Variants in GALNTL6 observed in about 807,000 individuals in gnomAD.
GALNTL6 encodes polypeptide N-acetylgalactosaminyltransferase like 6.
In GALNTL6, 46 loss-of-function variants were observed where a neutral mutation model predicts 73.7. The ratio of observed to expected loss-of-function variants is 0.62; its 90% CI spans 0.49 to 0.80. The LOEUF (loss-of-function observed/expected upper bound fraction) is 0.80. GALNTL6 is among the 30% of genes least tolerant of loss of function. GALNTL6 has a pLI of 0.00. For synonymous variants in GALNTL6, 259 were observed against 263.7 expected, an observed-to-expected ratio of 0.98 and a Z score of 0.17; for missense variants, 604 against 755.0, an observed-to-expected ratio of 0.80 and a Z score of 2.34.
At chr4:172,457,446 G>C (rs1300620067) in intron 5 of GALNTL6, among the ~76,000 whole-genome samples, 1 of 152,178 alleles carries the variant, frequency 6.6e-6, no homozygotes, top group East Asian at 1.9e-4. Context: ...AGACCCATCA[G>C]TGTGCTGTAT....
chr4:172,930,340 G>A (rs1452814706), intron 8 of GALNTL6, among the ~76,000 whole-genome samples: 1 of 152,064 alleles, frequency 6.6e-6, no homozygotes, highest in Non-Finnish European at 1.5e-5. Flanking sequence ...AAGATCAGTG[G>A]CGGGGGGAGA....
intron 2 of GALNTL6, among the ~76,000 whole-genome samples, chr4:171,845,919 ACTC>A (rs1055311935): frequency 3.9e-5 from 6 of 152,158 alleles, no homozygotes; most frequent in African/African-American, 1.4e-4. Flanking sequence ...CATCACAGCT[ACTC>A]AATGGTAGAT....
chr4:172,583,908 A>T (rs1737302770), intron 5 of GALNTL6, among the ~76,000 whole-genome samples: 1 of 151,264 alleles, frequency 6.6e-6, no homozygotes, highest in Non-Finnish European at 1.5e-5. Context: ...AAAAAAAAAA[A>T]AAAAAAAAAA....
At chr4:172,924,912 G>A (rs188724025) in intron 8 of GALNTL6, among the ~76,000 whole-genome samples, 187 of 152,118 alleles carry the variant, frequency 1.2e-3, no homozygotes, top group Non-Finnish European at 1.9e-3. Context: ...TGGCTCTGTC[G>A]CCAGGCTAGA....
At chr4:172,922,885 A>T (rs1447195062) in intron 8 of GALNTL6, among the ~76,000 whole-genome samples, 1 of 152,226 alleles carries the variant, frequency 6.6e-6, no homozygotes, top group African/African-American at 2.4e-5. Context: ...CATTACAGTT[A>T]TCCCAAGTGT....
At chr4:172,054,817 G>A (rs946222286) in intron 2 of GALNTL6, among the ~76,000 whole-genome samples, 12 of 152,108 alleles carry the variant, frequency 7.9e-5, no homozygotes, top group Admixed American at 1.3e-4. Context: ...ACTGAACTTC[G>A]AAACAAATGA....
intron 2 of GALNTL6, among the ~76,000 whole-genome samples, chr4:172,011,909 A>G (rs1423376315): frequency 1.3e-5 from 2 of 152,124 alleles, no homozygotes; most frequent in East Asian, 1.9e-4. Context: ...TCATAGTGCA[A>G]TAGGGTGAGA....
At chr4:172,156,561 A>AC (rs140796580) in intron 2 of GALNTL6, among the ~76,000 whole-genome samples, 5 of 91,622 alleles carry the variant, frequency 5.5e-5, no homozygotes, top group East Asian at 2.3e-4. Flanking sequence ...ATATATATAT[A>AC]TATATACATA....
chr4:172,513,771 G>A (rs1448436315), intron 5 of GALNTL6, among the ~76,000 whole-genome samples: 1 of 152,308 alleles, frequency 6.6e-6, no homozygotes, highest in African/African-American at 2.4e-5. Context: ...TCATCCTCGG[G>A]TCTCTCAGCT....
intron 10 of GALNTL6, among the ~76,000 whole-genome samples, chr4:172,959,101 G>A (rs927267718): frequency 3.3e-5 from 5 of 152,168 alleles, no homozygotes; most frequent in African/African-American, 4.8e-5. Context: ...AAAGTGCGCT[G>A]CGGGATGGGA....
chr4:172,476,480 T>TC (rs1733238455), intron 5 of GALNTL6, among the ~76,000 whole-genome samples: 1 of 152,156 alleles, frequency 6.6e-6, no homozygotes, highest in African/African-American at 2.4e-5. Context: ...ATATATATAA[T>TC]CTGTGTCTAA....
At position 172,686,326 on chromosome 4, in the gene GALNTL6, C is replaced by A. The variant is rs540297443; in HGVS notation, c.554-123035C>A. On this transcript the variant is annotated intron_variant, in intron 5 of 12. Coordinates refer to ENST00000506823, the MANE Select transcript of GALNTL6 (RefSeq NM_001034845.3). ...GAGCAGAGCCTCAGACCCCCACCCC[C>A]ACTCCCGCCATGAACCTACTAAATC... is the stretch of plus-strand genomic sequence containing the variant. Among the ~76,000 whole-genome samples the A allele has an allele frequency of 2.3e-4, 35 of 152,228 alleles. No individual in the cohort carries two copies. In the South Asian group the frequency reaches 6.0e-3, roughly 26 times the overall value.
At chr4:172,547,593 A>G (rs1008169761) in intron 5 of GALNTL6, among the ~76,000 whole-genome samples, 12 of 152,096 alleles carry the variant, frequency 7.9e-5, no homozygotes, top group African/African-American at 2.9e-4. Flanking sequence ...TAACTCAGCA[A>G]CCTTTAGATC....
chr4:172,102,604 A>G (rs1009148295), intron 2 of GALNTL6, among the ~76,000 whole-genome samples: 1 of 152,134 alleles, frequency 6.6e-6, no homozygotes, highest in Non-Finnish European at 1.5e-5. Flanking sequence ...GATGTCAGGC[A>G]CCTGAGCTGC....
chr4:172,536,276 TG>T (rs1013161108), intron 5 of GALNTL6, among the ~76,000 whole-genome samples: 3 of 152,160 alleles, frequency 2.0e-5, no homozygotes, highest in Non-Finnish European at 4.4e-5. Context: ...GACCAGGTAG[TG>T]GGGTGCTGCT....
At position 173,020,382 on chromosome 4, in the gene GALNTL6, T is replaced by C. The variant is rs553605658; in HGVS notation, c.1489-1094T>C. Among the ~76,000 whole-genome samples, 261 of 152,286 alleles carry C rather than the reference T, an allele frequency of 1.7e-3. 2 individuals carry two copies. The highest frequency in any genetic ancestry group is 5.4e-3 in the Admixed American group (83 of 15,298). On this transcript the variant is annotated intron_variant, in intron 11 of 12. Transcript: ENST00000506823. ...TAATAGAATGGGATACATAATAGAA[T>C]TGGAGAGGCTGGACTAGGATAGGAA...
At chr4:172,546,820 G>A (rs60248219) in intron 5 of GALNTL6, among the ~76,000 whole-genome samples, 1,998 of 48,460 alleles carry the variant, frequency 0.041, 463 homozygotes, top group African/African-American at 0.17. Context: ...ATATATATAC[G>A]TATATGTATA....
intron 2 of GALNTL6, among the ~76,000 whole-genome samples, chr4:171,892,408 T>C (rs1007196128): frequency 1.3e-5 from 2 of 152,192 alleles, no homozygotes; most frequent in African/African-American, 4.8e-5. Flanking sequence ...AAAAGTATAA[T>C]AGTTACCATT....
At chr4:171,826,069 C>T (rs1339276418) in intron 2 of GALNTL6, among the ~76,000 whole-genome samples, 1 of 152,148 alleles carries the variant, frequency 6.6e-6, no homozygotes, top group Non-Finnish European at 1.5e-5. Flanking sequence ...TAAACTGGTA[C>T]AGTGAAACAT....
Sources: allele counts gnomAD v4.1 joint callset (sites outside exome capture counted in the v4.1 genomes callset), GRCh38; gene constraint gnomAD v4.1.1; transcripts MANE v1.5; gene names NCBI Gene and HGNC (gene_info 2026-07-23, HGNC 2026-07-21).